Variants in CELF2 observed in about 807,000 individuals in gnomAD.
CELF2 encodes CUGBP Elav-like family member 2, also known as CUG triplet repeat RNA-binding protein 2.
A neutral mutation model predicts 62.6 loss-of-function variants in CELF2; 8 were observed. The ratio of observed to expected loss-of-function variants is 0.13; its 90% confidence interval spans 0.07 to 0.23. CELF2 has a LOEUF of 0.23. CELF2 is among the 10% of genes least tolerant of loss of function. CELF2 has a pLI of 1.00. For missense variants in CELF2, 333 were observed against 671.0 expected, an observed-to-expected ratio of 0.50 and a Z score of 5.56; for synonymous variants, 258 against 250.0, an observed-to-expected ratio of 1.03 and a Z score of -0.30.
At position 11,123,238 on chromosome 10, in the gene CELF2, GT is replaced by G. The variant is rs371340058; in HGVS notation, c.75-42242del. Among the ~76,000 whole-genome samples the G allele has an allele frequency of 1.1e-4, 16 of 151,988 alleles. No individual in the cohort carries two copies. The East Asian group carries it at 2.3e-3, about 22-fold the overall frequency. ...AGGTCCCAATTCTGAGTCAGGGTTT[GT>G]TTTTTGTTTGATTTTTAAATTTTTT... On this transcript the variant is annotated intron_variant, in intron 1 of 12. Coordinates refer to ENST00000633077, the MANE Select transcript of CELF2 (RefSeq NM_001326342.2).
At chr10:11,188,341 G>T (rs912277059) in intron 2 of CELF2, among the ~76,000 whole-genome samples, 4 of 152,178 alleles carry the variant, frequency 2.6e-5, no homozygotes, top group Admixed American at 6.5e-5. Flanking sequence ...CCAACCTCAG[G>T]TGATCTGCCC....
At chr10:11,090,011 A>G (rs1388522753) in intron 1 of CELF2, among the ~76,000 whole-genome samples, 3 of 152,180 alleles carry the variant, frequency 2.0e-5, no homozygotes, top group Non-Finnish European at 2.9e-5. Flanking sequence ...CATAGACACC[A>G]GGAACTCCAA....
chr10:10,934,143 G>A lies in CELF2; in HGVS notation c.89+14144G>A, dbSNP rs569001899. ...TTTTGTAATAGCCATTTTAATTGGG[G>A]TGAGGTGATACCTTATTGTGATTTG... is the stretch of plus-strand genomic sequence containing the variant. On this transcript the variant is annotated intron_variant, in intron 2 of 13. Coordinates refer to the CELF2 transcript ENST00000636488. This position sits in a 1 kb window ranked among gnomAD's most constrained non-coding sequence, Gnocchi z 4.4. Among the ~76,000 whole-genome samples the A allele has an allele frequency of 1.3e-5, 2 of 152,296 alleles. No individual in the cohort carries two copies. Among genetic ancestry groups the A allele is most frequent in the African/African-American group, 4.8e-5 (2 of 41,568 alleles).
chr10:10,541,977 G>C, the CELF2 span, among the ~76,000 whole-genome samples: 1 of 152,132 alleles, frequency 6.6e-6, no homozygotes, highest in South Asian at 2.1e-4. Context: ...AATTTTACTT[G>C]CTAATTGAAG....
the CELF2 span, among the ~76,000 whole-genome samples, chr10:10,648,711 C>T: frequency 4.6e-5 from 7 of 152,110 alleles, no homozygotes; most frequent in Admixed American, 6.5e-5. Flanking sequence ...GAATATTTTA[C>T]GGTTTGGTAA....
chr10:10,621,525 C>A, the CELF2 span, among the ~76,000 whole-genome samples: 2 of 152,130 alleles, frequency 1.3e-5, no homozygotes, highest in African/African-American at 2.4e-5. Flanking sequence ...CTGAGAGGAA[C>A]TGATGAGGCT....
Position 10,938,140 on chromosome 10 carries a change from T to C in CELF2, c.89+18141T>C, listed in dbSNP as rs552999362. ...ATACTGAATATGCAGAATTCAATCA[T>C]AGAAAACTAATCACTTTAGTGAAAA... is the stretch of plus-strand genomic sequence containing the variant. On this transcript the variant is annotated intron_variant, in intron 2 of 13. Transcript: ENST00000636488. This position sits in a 1 kb window ranked among gnomAD's most constrained non-coding sequence, Gnocchi z 4.2. Among the ~76,000 whole-genome samples, 68 of 152,336 alleles carry C rather than the reference T, an allele frequency of 4.5e-4. 1 individual carries two copies. Among genetic ancestry groups the C allele is most frequent in the Admixed American group, 1.6e-3 (24 of 15,302 alleles).
intron 1 of CELF2, among the ~76,000 whole-genome samples, chr10:10,832,968 C>T (rs4411204): frequency 0.54 from 81,733 of 150,870 alleles, 22,683 homozygotes; most frequent in East Asian, 0.76. Flanking sequence ...GTGTACTCAC[C>T]GACAATTTTT....
chr10:10,793,595 C>T (rs1255295135), upstream of CELF2, among the ~76,000 whole-genome samples: 3 of 152,198 alleles, frequency 2.0e-5, no homozygotes, highest in Admixed American at 6.5e-5. Flanking sequence ...ATATTACCAA[C>T]ACTTAAAAAT....
chr10:10,895,400 T>A (rs2062470844), intron 1 of CELF2, among the ~76,000 whole-genome samples: 1 of 152,102 alleles, frequency 6.6e-6, no homozygotes, highest in Non-Finnish European at 1.5e-5. Context: ...GCTGAAGAGA[T>A]TTCCAAGAAA....
At chr10:11,249,872 C>CT (rs913950370) in intron 4 of CELF2, among the ~76,000 whole-genome samples, 2 of 152,118 alleles carry the variant, frequency 1.3e-5, no homozygotes, top group Non-Finnish European at 2.9e-5. Flanking sequence ...CCTTCTGTCC[C>CT]TTTTTTGTAC....
chr10:10,711,264 A>C, the CELF2 span, among the ~76,000 whole-genome samples: 2 of 152,246 alleles, frequency 1.3e-5, no homozygotes, highest in Non-Finnish European at 2.9e-5. Context: ...TTTGGAATTC[A>C]GTATATGACA....
At chr10:10,832,507 G>T (rs923743514) in intron 1 of CELF2, among the ~76,000 whole-genome samples, 1 of 152,136 alleles carries the variant, frequency 6.6e-6, no homozygotes, top group Non-Finnish European at 1.5e-5. Context: ...TTTCATGCTG[G>T]ACCTCAACTT....
chr10:11,202,766 T>C (rs1299430227), intron 2 of CELF2, among the ~76,000 whole-genome samples: 1 of 152,180 alleles, frequency 6.6e-6, no homozygotes, highest in Non-Finnish European at 1.5e-5. Context: ...AATATTATTA[T>C]CATTTGTTAT....
intron 1 of CELF2, among the ~76,000 whole-genome samples, chr10:10,807,268 G>A (rs1306263938): frequency 1.3e-5 from 2 of 152,154 alleles, no homozygotes; most frequent in Non-Finnish European, 2.9e-5. Context: ...AGGCTTGCCA[G>A]GACATGACCA....
the CELF2 span, among the ~76,000 whole-genome samples, chr10:10,732,310 GAC>G: frequency 6.6e-6 from 1 of 152,114 alleles, no homozygotes; most frequent in Non-Finnish European, 1.5e-5. Flanking sequence ...AGAGCATGTA[GAC>G]ACTGAGCACA....
chr10:11,001,302 G>A (rs1564339668), upstream of CELF2, among the ~76,000 whole-genome samples: 1 of 152,170 alleles, frequency 6.6e-6, no homozygotes, highest in South Asian at 2.1e-4. Context: ...TTTAGGATTT[G>A]AGAGGCAGGC....
At chr10:11,068,844 G>A (rs2068888982) in intron 1 of CELF2, among the ~76,000 whole-genome samples, 1 of 152,178 alleles carries the variant, frequency 6.6e-6, no homozygotes, top group Non-Finnish European at 1.5e-5. Context: ...ACAGGCGTGA[G>A]CCACCGCACC....
intron 2 of CELF2, among the ~76,000 whole-genome samples, chr10:10,975,307 G>A (rs774703791): frequency 3.3e-5 from 5 of 152,056 alleles, no homozygotes; most frequent in Non-Finnish European, 7.4e-5. Context: ...TAGTAGACAC[G>A]GGGTCTCATT....
Sources: gnomAD v4.1 joint callset for allele counts (sites outside exome capture counted in the v4.1 genomes callset) on GRCh38, gnomAD v4.1.1 for gene constraint, Gnocchi (gnomAD v3.1) non-coding constraint, MANE v1.5 for transcripts, NCBI Gene and HGNC (gene_info 2026-07-23, HGNC 2026-07-21) for gene names.